ARID3C: variants seen among roughly 807,000 people sequenced by gnomAD.
The protein encoded by ARID3C is AT-rich interaction domain 3C, also known as AT-rich interactive domain-containing protein 3C.
In ARID3C, 42 loss-of-function variants were observed where a neutral mutation model predicts 37.9. The ratio of observed to expected loss-of-function variants is 1.11; its 90% CI spans 0.87 to 1.43. The LOEUF is 1.43. Among genes scored for constraint, ARID3C ranks in the 40% most tolerant of loss-of-function variants. The pLI is 0.00. For synonymous variants in ARID3C, 213 were observed against 228.0 expected (o/e 0.93, Z 0.59); for missense variants, 581 against 548.8 (o/e 1.06, Z -0.59).
At chr9:34,621,978 C>T in intron 6 of ARID3C, 42 bp downstream of exon 7, 1 of 1,590,444 alleles carries the variant, frequency 6.3e-7, no homozygotes, top group Non-Finnish European at 8.6e-7. Context: ...GCCTAAATAC[C>T]CCTGACCCCA....
exon 2 of ARID3C, chr9:34,625,798 G>A: frequency 6.2e-7 from 1 of 1,613,958 alleles, no homozygotes; most frequent in Non-Finnish European, 8.5e-7. Context: ...CTTGGGGTCT[G>A]CATCGAGCTC....
At chr9:34,626,527 C>A (rs1820656111) in intron 1 of ARID3C, among the ~76,000 whole-genome samples, 2 of 152,150 alleles carry the variant, frequency 1.3e-5, no homozygotes, top group Non-Finnish European at 2.9e-5. Flanking sequence ...TGCATCAACT[C>A]CCGAATACTA....
intron 2 of ARID3C, 126 bp from the exon 4 acceptor site, chr9:34,624,173 A>G (rs1424094741): frequency 8.6e-7 from 1 of 1,164,490 alleles, no homozygotes; most frequent in Non-Finnish European, 1.2e-6. Flanking sequence ...CGGAGCCCAC[A>G]GAACCCCAGG....
upstream of ARID3C, among the ~76,000 whole-genome samples, chr9:34,632,508 G>T (rs902225587): frequency 1.2e-4 from 18 of 152,132 alleles, no homozygotes; most frequent in African/African-American, 4.1e-4. Flanking sequence ...GCTGCTGCGT[G>T]GAGAACCCTC....
At chr9:34,629,025 G>A (rs528783029), upstream of ARID3C, among the ~76,000 whole-genome samples, 1 of 148,754 alleles carries the variant, frequency 6.7e-6, no homozygotes, top group East Asian at 2.2e-4. Context: ...CGCTCCCGCC[G>A]CCCTGTGCTC....
rs761923736 is a variant in ARID3C at position 34,623,541 on chromosome 9, A to T, written c.749T>A (p.Leu250Ter). Residue 250 changes from leucine (L) to a stop codon, truncating the protein, a stop_gained, in exon 4 of 7, where the codon TTG (leucine) becomes TAG (stop). Coordinates refer to ENST00000378909, the Ensembl canonical transcript of ARID3C. LOFTEE classifies it high-confidence loss of function. ...CGCCGGAGGGGCGGGGCCGGGACCCAAGGCTGGGTCCTGAGCGCCCCGAGG... is the reference window on the plus strand; with the variant it reads ...CGCCGGAGGGGCGGGGCCGGGACCCTAGGCTGGGTCCTGAGCGCCCCGAGG... 1.9e-6 allele frequency: 3 copies of T among 1,584,134 alleles called. No individual in the cohort carries two copies. The highest frequency in any genetic ancestry group is 2.6e-6 in the Non-Finnish European group (3 of 1,166,352).
At chr9:34,631,112 C>T (rs1420251817), upstream of ARID3C, among the ~76,000 whole-genome samples, 1 of 152,160 alleles carries the variant, frequency 6.6e-6, no homozygotes. Context: ...TTTTCCCCAC[C>T]ACAGCTTCCC....
intron 2 of ARID3C, 49 bp from the exon 4 acceptor site, chr9:34,624,096 T>C: frequency 6.6e-7 from 1 of 1,519,974 alleles, no homozygotes; most frequent in Non-Finnish European, 8.8e-7. Context: ...AGACCCTGTC[T>C]GCAGCATCCC....
chr9:34,621,459 C>T, exon 7 of ARID3C: 1 of 1,516,428 alleles, frequency 6.6e-7, no homozygotes, highest in Non-Finnish European at 8.8e-7. Context: ...TAGGACCTCT[C>T]AGGGCAAGAT....
At chr9:34,629,772 TTGGAGACAGAGTCTC>T (rs1820706577), upstream of ARID3C, among the ~76,000 whole-genome samples, 1 of 152,158 alleles carries the variant, frequency 6.6e-6, no homozygotes, top group Non-Finnish European at 1.5e-5. Flanking sequence ...TTTTTCTTTT[TTGGAGACAGAGTCTC>T]TGTCACCCAG....
At chr9:34,628,169 G>T, upstream of ARID3C, 1 of 1,035,042 alleles carries the variant, frequency 9.7e-7, no homozygotes, top group Non-Finnish European at 1.3e-6. This position sits in a 1 kb window ranked among gnomAD's most constrained non-coding sequence, Gnocchi z 5.2. Flanking sequence ...TGGATTCAGG[G>T]AAGTGCAGGG....
rs1820611896 is a variant in ARID3C, at chr9:34,623,684, G to T, written c.606C>A (p.Cys202Ter). ...CTGGGGAGCTGAGCGCTCGAGTCTC[G>T]CACTCGTACGGGTACAGGTACTTCA... The change falls in exon 4 of 7, where the codon TGC (cysteine) becomes TGA (stop). Residue 202 changes from cysteine to a stop codon, truncating the protein, a stop_gained. Coordinates refer to ENST00000378909, the Ensembl canonical transcript of ARID3C. LOFTEE classifies it high-confidence loss of function. 6.4e-7 allele frequency: 1 copy of T among 1,571,880 alleles called. No homozygotes were observed.
chr9:34,622,080 C>T (rs1202782663), exon 6 of ARID3C: 17 of 1,613,996 alleles, frequency 1.1e-5, no homozygotes, highest in African/African-American at 2.7e-5. Context: ...CCACTGCCTG[C>T]CAGATTAAGA....
At chr9:34,623,741 G>T in intron 3 of ARID3C, 27 bp from the exon 5 acceptor site, 1 of 1,514,076 alleles carries the variant, frequency 6.6e-7, no homozygotes, top group East Asian at 2.4e-5. Context: ...GGCGGTGAGT[G>T]TATGGGAGGC....
chr9:34,627,311 G>A (rs1165736990), intron 1 of ARID3C, among the ~76,000 whole-genome samples: 1 of 152,142 alleles, frequency 6.6e-6, no homozygotes, highest in Non-Finnish European at 1.5e-5. Context: ...GGTAGGCAGG[G>A]TGGTGCTGGC....
chr9:34,623,914 G>A (rs1334330751), exon 3 of ARID3C: 1 of 1,601,086 alleles, frequency 6.2e-7, no homozygotes, highest in Non-Finnish European at 8.5e-7. Context: ...GTAGGCTGAG[G>A]CCGCGCGTGA....
chr9:34,623,544 G>A lies in ARID3C; in HGVS notation c.746C>T (p.Ala249Val), dbSNP rs773273193. 3.1e-6 allele frequency: 5 copies of A among 1,591,368 alleles called. No homozygotes were observed. The highest frequency in any genetic ancestry group is 2.2e-5 in the East Asian group (1 of 44,568). ...CGGAGGGGCGGGGCCGGGACCCAAG[G>A]CTGGGTCCTGAGCGCCCCGAGGGGG... The change falls in exon 4 of 7, where the codon GCC becomes GTC. Residue 249 changes from alanine (A) to valine (V), a missense_variant. Coordinates refer to ENST00000378909, the Ensembl canonical transcript of ARID3C.
intron 2 of ARID3C, 29 bp from the exon 4 acceptor site, chr9:34,624,076 A>C: frequency 6.4e-7 from 1 of 1,551,410 alleles, no homozygotes. Context: ...CCGTCAGGAC[A>C]CTGAGACGAA....
chr9:34,625,746 C>T, exon 2 of ARID3C: 5 of 1,613,968 alleles, frequency 3.1e-6, no homozygotes, highest in Non-Finnish European at 4.2e-6. Context: ...ACTCACCCCT[C>T]TTTTGCATGA....
Sources: gnomAD v4.1 joint callset for allele counts (sites outside exome capture counted in the v4.1 genomes callset) on GRCh38, gnomAD v4.1.1 for gene constraint, Gnocchi (gnomAD v3.1) non-coding constraint, MANE v1.5 for transcripts, NCBI Gene and HGNC (gene_info 2026-07-23, HGNC 2026-07-21) for gene names.